The following UBR2 variants were observed in gnomAD, a reference collection of about 807,000 sequenced individuals.
The protein encoded by UBR2 is ubiquitin protein ligase E3 component n-recognin 2.
In UBR2, 92 loss-of-function variants were observed where a neutral mutation model predicts 247.9. That is an observed-to-expected ratio of 0.37 (90% CI 0.31 to 0.44). UBR2 has a LOEUF of 0.44. Among genes scored for constraint, UBR2 ranks in the 20% least tolerant of loss-of-function variants. The probability of loss-of-function intolerance (pLI) is 1.00; values close to 1 mark genes in which losing one functional copy is unlikely to be tolerated. For missense variants in UBR2, 1,613 were observed against 2,112.6 expected (o/e 0.76, Z 4.64); for synonymous variants, 672 against 693.5 (o/e 0.97, Z 0.49).
Position 42,676,882 on chromosome 6 carries a change from GTTA to G in UBR2, c.4478+11_4478+13del. On this transcript the variant is annotated intron_variant, in intron 40 of 46. Coordinates refer to ENST00000372901, the MANE Select transcript of UBR2 (RefSeq NM_001363705.2). ...CACCAGTATACGGGAAGGTGAGTTA[GTTA>G]TCTTTACATAACGCATTTCCCTAAA... 1 of 1,603,934 alleles carries G rather than the reference GTTA, an allele frequency of 6.2e-7. No homozygotes were observed. Among genetic ancestry groups the G allele is most frequent in the Non-Finnish European group, 8.5e-7 (1 of 1,170,980 alleles).
intron 7 of UBR2, among the ~76,000 whole-genome samples, chr6:42,610,848 CTT>C (rs1284620883): frequency 8.5e-5 from 12 of 141,584 alleles, no homozygotes; most frequent in East Asian, 2.0e-4. Flanking sequence ...TGTATTTTAC[CTT>C]TTTTTTTTTT....
rs1414990229 is a variant in UBR2, at chr6:42,619,440, TA to T, written c.1281+1934del. On this transcript the variant is annotated intron_variant, in intron 11 of 46. Coordinates refer to ENST00000372901, the MANE Select transcript of UBR2 (RefSeq NM_001363705.2). ...ATATATATATATATATATATATATA[TA>T]TATATATATATATTTTTTTTTTTTA... 7.8e-3 allele frequency: 258 copies of T among 33,146 alleles called. 20 individuals are homozygous for T. Among genetic ancestry groups the T allele is most frequent in the African/African-American group, 0.028 (237 of 8,532 alleles). The allele number at this position is 33,146 out of a possible 1,614,324, so 2.1% of individuals were successfully genotyped here. A position where few individuals can be genotyped will look rare whatever the true frequency, so the allele number is the denominator to read the frequency against.
At chr6:42,571,076 A>G (rs760318449) in intron 1 of UBR2, among the ~76,000 whole-genome samples, 3 of 151,588 alleles carry the variant, frequency 2.0e-5, no homozygotes, top group Admixed American at 6.6e-5. Context: ...CGTTACAGTT[A>G]CTAGACTGCA....
chr6:42,669,315 C>CT (rs1345103910), intron 34 of UBR2, among the ~76,000 whole-genome samples: 1 of 152,090 alleles, frequency 6.6e-6, no homozygotes. Context: ...GTATATGAAT[C>CT]TTTTTTTATT....
intron 4 of UBR2, among the ~76,000 whole-genome samples, chr6:42,602,750 T>C (rs1435844090): frequency 7.7e-6 from 1 of 129,358 alleles, no homozygotes; most frequent in Non-Finnish European, 1.6e-5. Context: ...TTTATTTTTA[T>C]GCTGTGTGTG....
At chr6:42,652,858 G>A (rs1228852225) in intron 25 of UBR2, among the ~76,000 whole-genome samples, 1 of 152,082 alleles carries the variant, frequency 6.6e-6, no homozygotes, top group Admixed American at 6.5e-5. Context: ...GTCCCACTGG[G>A]CAGTTGTTCT....
At chr6:42,564,906 C>T (rs1188185434) in intron 1 of UBR2, among the ~76,000 whole-genome samples, 2 of 152,200 alleles carry the variant, frequency 1.3e-5, no homozygotes, top group Non-Finnish European at 2.9e-5. Context: ...AACGACACTA[C>T]CCTTCGTTAT....
intron 2 of UBR2, among the ~76,000 whole-genome samples, chr6:42,581,456 G>T (rs1246169067): frequency 6.6e-6 from 1 of 152,168 alleles, no homozygotes; most frequent in Non-Finnish European, 1.5e-5. Context: ...CTCCCAGAGT[G>T]TTGGGATTAC....
rs558083551 is a variant in UBR2, at chr6:42,595,516, C to T, written c.531+1212C>T. On this transcript the variant is annotated intron_variant, in intron 4 of 46. Transcript: ENST00000372901. ...ATACCAATACTTTGGGAAGCCAAGG[C>T]GGGTGGATCACTTTAACCCAGGAGT... Among the ~76,000 whole-genome samples, 18 of 152,180 alleles carry T rather than the reference C, an allele frequency of 1.2e-4. 1 individual carries two copies. In the South Asian group the frequency reaches 3.7e-3, roughly 32 times the overall value.
intron 2 of UBR2, among the ~76,000 whole-genome samples, chr6:42,578,974 C>A (rs10948037): frequency 1.6e-4 from 3 of 18,414 alleles, no homozygotes; most frequent in Admixed American, 4.4e-4. Flanking sequence ...CACACACAAA[C>A]ACACACACAC....
In UBR2 at chr6:42,676,123, G is replaced by C. The variant is rs778939400; in HGVS notation, c.4319G>C (p.Gly1440Ala). The change falls in exon 39 of 47, where the codon GGA becomes GCA. Residue 1440 changes from glycine (G) to alanine (A), a missense_variant. Transcript: ENST00000372901. ...TTTTCAGGGATCAGCCTTGGCACTG[G>C]AGACCTTCACATTTTCCATCTGGTT... The part of the protein sequence containing the change: ...QDFSGISLGT[G>A]DLHIFHLVTM... 9.9e-6 allele frequency: 16 copies of C among 1,613,772 alleles called. No individual in the cohort carries two copies. Among genetic ancestry groups the C allele is most frequent in the Non-Finnish European group, 1.4e-5 (16 of 1,179,964 alleles).
At chr6:42,663,160 C>A in intron 31 of UBR2, 98 bp from the exon 32 acceptor site, 2 of 1,025,322 alleles carry the variant, frequency 2.0e-6, no homozygotes, top group Non-Finnish European at 2.6e-6. Flanking sequence ...CATTTTTGAA[C>A]TATTTGTGGA....
chr6:42,670,615 A>G (rs749615359), intron 35 of UBR2, 45 bp from the exon 36 acceptor site: 7 of 1,329,968 alleles, frequency 5.3e-6, no homozygotes, highest in Non-Finnish European at 7.3e-6. Flanking sequence ...ATATTAAAAT[A>G]TACATAACAT....
intron 7 of UBR2, among the ~76,000 whole-genome samples, chr6:42,608,925 G>T (rs1793889999): frequency 1.3e-5 from 2 of 151,992 alleles, no homozygotes; most frequent in Admixed American, 6.6e-5. Context: ...TTTATGACTT[G>T]TTTAAGAAAT....
intron 13 of UBR2, among the ~76,000 whole-genome samples, chr6:42,633,292 C>G (rs560098917): frequency 6.6e-6 from 1 of 152,258 alleles, no homozygotes; most frequent in African/African-American, 2.4e-5. Context: ...CAGGAAGCTC[C>G]TCTTTAATTG....
At position 42,564,283 on chromosome 6, in the gene UBR2, C is replaced by T. The variant is rs1157987192; in HGVS notation, c.-37C>T. 3 of 1,591,112 alleles carry T rather than the reference C, an allele frequency of 1.9e-6. No homozygotes were observed. The highest frequency in any genetic ancestry group is 2.6e-6 in the Non-Finnish European group (3 of 1,170,318). On this transcript the variant is annotated 5_prime_UTR_variant, in exon 1 of 47. Coordinates refer to ENST00000372901, the MANE Select transcript of UBR2 (RefSeq NM_001363705.2). ...GGGCCGAGGTGAGGCTGCAGCTCTCCGGGCGGCGGTAGCGCTGGGGAGGAG... is the reference window on the plus strand; with the variant it reads ...GGGCCGAGGTGAGGCTGCAGCTCTCTGGGCGGCGGTAGCGCTGGGGAGGAG...
At position 42,670,030 on chromosome 6, in the gene UBR2, C is replaced by A. The variant is rs1194580264; in HGVS notation, c.3882-62C>A. 4 of 1,572,496 alleles carry A rather than the reference C, an allele frequency of 2.5e-6. No homozygotes were observed. In the African/African-American group the frequency reaches 5.4e-5, roughly 21 times the overall value. On this transcript the variant is annotated intron_variant, in intron 34 of 46. Transcript: ENST00000372901. ...AATATAGCAAAGAGCTGTTAAGAAA[C>A]CGAACCATTTGATTGATATGTGCAC...
chr6:42,628,784 C>T (rs1250079146), intron 11 of UBR2, among the ~76,000 whole-genome samples: 1 of 149,798 alleles, frequency 6.7e-6, no homozygotes, highest in Non-Finnish European at 1.5e-5. Context: ...GATAGTTGTT[C>T]TAATTTATTA....
At chr6:42,635,668 C>A in intron 14 of UBR2, 122 bp downstream of exon 14, 2 of 1,192,586 alleles carry the variant, frequency 1.7e-6, no homozygotes, top group Non-Finnish European at 2.3e-6. Flanking sequence ...CATTAAACAG[C>A]GTATTTTCCT....
Sources: allele counts gnomAD v4.1 joint callset (sites outside exome capture counted in the v4.1 genomes callset), GRCh38; gene constraint gnomAD v4.1.1; transcripts MANE v1.5; gene names NCBI Gene and HGNC (gene_info 2026-07-23, HGNC 2026-07-21).